The following MED23 variants were observed in gnomAD, a reference collection of about 807,000 sequenced individuals.
MED23 encodes mediator of RNA polymerase II transcription subunit 23.
MED23 carries 105 observed loss-of-function variants against 163.9 expected under a neutral mutation model. That is an observed-to-expected ratio of 0.64 (90% CI 0.55 to 0.75). The LOEUF (loss-of-function observed/expected upper bound fraction) is 0.75, where lower values mean the gene tolerates loss of function less well. MED23 is among the 30% of genes least tolerant of loss of function. The pLI is 0.00. For synonymous variants in MED23, 561 were observed against 565.6 expected (o/e 0.99, Z 0.12); for missense variants, 1,054 against 1,649.0 (o/e 0.64, Z 6.25).
rs1774260245 is a variant in MED23 at position 131,587,581 on chromosome 6, A to G, written c.*98T>C. The stretch of plus-strand genomic sequence containing the variant: ...CAATCTGAATATCATCACTGCTTCT[A>G]CTATATCACTACAGTGTGATCGCAT... On this transcript the variant is annotated 3_prime_UTR_variant, in exon 29 of 29. Coordinates refer to ENST00000368068, the MANE Select transcript of MED23 (RefSeq NM_004830.4). 4 of 1,586,024 alleles carry G rather than the reference A, an allele frequency of 2.5e-6. No individual in the cohort carries two copies. Among genetic ancestry groups the G allele is most frequent in the Non-Finnish European group, 3.4e-6 (4 of 1,165,090 alleles).
chr6:131,610,484 G>A (rs1421873664), intron 10 of MED23, among the ~76,000 whole-genome samples: 1 of 152,134 alleles, frequency 6.6e-6, no homozygotes, highest in Admixed American at 6.5e-5. Flanking sequence ...ATTAACTTTT[G>A]ACTTCCACTA....
intron 28 of MED23, among the ~76,000 whole-genome samples, chr6:131,588,189 C>T (rs1774317354): frequency 6.6e-6 from 1 of 152,326 alleles, no homozygotes; most frequent in South Asian, 2.1e-4. Flanking sequence ...AGAGTTTACA[C>T]TGGAAATTTT....
chr6:131,586,966 A>G lies in MED23; in HGVS notation c.*713T>C. 1 of 1,490,922 alleles carries G rather than the reference A, an allele frequency of 6.7e-7. No individual in the cohort carries two copies. Among genetic ancestry groups the G allele is most frequent in the Non-Finnish European group, 9.0e-7 (1 of 1,116,390 alleles). 92.4% of individuals were successfully genotyped at this position (1,490,922 alleles called of 1,614,324 possible). A position where few individuals can be genotyped will look rare whatever the true frequency, so the allele number is the denominator to read the frequency against. On this transcript the variant is annotated 3_prime_UTR_variant, in exon 29 of 29. Coordinates refer to ENST00000368068, the MANE Select transcript of MED23 (RefSeq NM_004830.4). The stretch of plus-strand genomic sequence containing the variant: ...CAAAAGCAATTAACTTATTTTTAAA[A>G]AAAGAAATTGGAGAATCAACCATTT...
Position 131,594,087 on chromosome 6 carries a change from T to A in MED23, c.3232+12A>T, listed in dbSNP as rs1444209366. ...TATTTCTGGGAGTCTAAAATCACAA[T>A]AAAAAGGATATTATCGACTAGTCTG... On this transcript the variant is annotated intron_variant, in intron 23 of 28. Coordinates refer to ENST00000368068, the MANE Select transcript of MED23 (RefSeq NM_004830.4). 1 of 1,591,820 alleles carries A rather than the reference T, an allele frequency of 6.3e-7. No individual in the cohort carries two copies. The highest frequency in any genetic ancestry group is 8.6e-7 in the Non-Finnish European group (1 of 1,160,564).
At chr6:131,625,036 T>C in intron 3 of MED23, 47 bp from the exon 4 acceptor site, 2 of 1,585,756 alleles carry the variant, frequency 1.3e-6, no homozygotes, top group Non-Finnish European at 1.7e-6. Context: ...AGTTACATTT[T>C]TATAACCAAT....
rs143443166 is a variant in MED23 at position 131,586,830 on chromosome 6, C to A, written c.*849G>T. On this transcript the variant is annotated 3_prime_UTR_variant, in exon 29 of 29. Transcript: ENST00000368068. ...TTCCCCCAAAATTAACAATGTCTCT[C>A]AAAATCCAAGAAATAAAATGTGTAC... is the stretch of plus-strand genomic sequence containing the variant. The A allele has an allele frequency of 7.8e-5, 118 of 1,518,470 alleles. No homozygotes were observed. The African/African-American group carries it at 1.3e-3, about 17-fold the overall frequency. The allele number at this position is 1,518,470 out of a possible 1,614,324, so 94.1% of individuals were successfully genotyped here.
chr6:131,598,750 T>C lies in MED23; in HGVS notation c.2232A>G (p.Lys744=), dbSNP rs1012095810. 2 of 1,614,040 alleles carry C rather than the reference T, an allele frequency of 1.2e-6. No homozygotes were observed. Among genetic ancestry groups the C allele is most frequent in the Non-Finnish European group, 1.7e-6 (2 of 1,179,902 alleles). The change falls in exon 19 of 29, where the codon AAA becomes AAG. Residue 744 remains lysine (K), a synonymous_variant. Coordinates refer to ENST00000368068, the MANE Select transcript of MED23 (RefSeq NM_004830.4). This position sits in a 1 kb window ranked among gnomAD's most constrained non-coding sequence, Gnocchi z 4.7. The part of the protein sequence containing the change: ...CFPGPLQAFF[K]QNNVPQESRF... Reference sequence around the variant, plus strand: ...GGCTTTCCTGAGGCACATTATTTTGTTTGAAGAATGCCTAAAAAGAGGATT... The same window carrying C: ...GGCTTTCCTGAGGCACATTATTTTGCTTGAAGAATGCCTAAAAAGAGGATT...
chr6:131,606,394 T>G, intron 13 of MED23, 85 bp downstream of exon 13: 1 of 1,468,034 alleles, frequency 6.8e-7, no homozygotes, highest in African/African-American at 1.4e-5. Context: ...TTTCCAAATT[T>G]CACACAAACA....
chr6:131,627,872 C>A, intron 1 of MED23, 139 bp downstream of exon 1: 1 of 1,196,174 alleles, frequency 8.4e-7, no homozygotes, highest in Non-Finnish European at 1.2e-6. Context: ...AACTTCCCCG[C>A]ATACAACCTC....
At chr6:131,587,873 T>C (rs746619395) in intron 28 of MED23, 27 bp from the exon 29 acceptor site, 8 of 1,576,626 alleles carry the variant, frequency 5.1e-6, no homozygotes, top group Non-Finnish European at 6.1e-6. Context: ...CATTAAAACG[T>C]ACTTTAATCA....
intron 11 of MED23, among the ~76,000 whole-genome samples, chr6:131,608,869 C>CA (rs1392094329): frequency 3.2e-4 from 49 of 152,238 alleles, no homozygotes; most frequent in Admixed American, 2.4e-3. Flanking sequence ...AAATTTTTGA[C>CA]AAAAAATGTC....
intron 7 of MED23, among the ~76,000 whole-genome samples, chr6:131,620,328 C>T (rs915758664): frequency 3.0e-4 from 45 of 151,904 alleles, no homozygotes; most frequent in African/African-American, 9.2e-4. Context: ...GTCCTTTTGC[C>T]GAAGCTAGAG....
At chr6:131,575,754 T>A (rs1008318133) in intron 30 of MED23, among the ~76,000 whole-genome samples, 4 of 152,236 alleles carry the variant, frequency 2.6e-5, no homozygotes, top group Non-Finnish European at 5.9e-5. Flanking sequence ...CCTTTAGACC[T>A]CTAATTGTTC....
In MED23 at chr6:131,623,333, A is replaced by G. The variant is rs748163041; in HGVS notation, c.396+18T>C. On this transcript the variant is annotated intron_variant, in intron 5 of 28. Coordinates refer to ENST00000368068, the MANE Select transcript of MED23 (RefSeq NM_004830.4). ...TCATATCTGAAAGCAATCACTTTTT[A>G]TAATAAGAAAAATATACCTTGTAAT... 1.3e-6 allele frequency: 2 copies of G among 1,589,846 alleles called. No homozygotes were observed. Among genetic ancestry groups the G allele is most frequent in the Non-Finnish European group, 1.7e-6 (2 of 1,158,100 alleles).
intron 30 of MED23, among the ~76,000 whole-genome samples, chr6:131,577,059 G>A (rs1432001179): frequency 6.6e-6 from 1 of 152,122 alleles, no homozygotes; most frequent in Non-Finnish European, 1.5e-5. Context: ...GCAGCAGGAA[G>A]TATGCTACTA....
At chr6:131,627,918 G>C (rs1037870663) in intron 1 of MED23, 93 bp downstream of exon 1, 1 of 1,498,796 alleles carries the variant, frequency 6.7e-7, no homozygotes, top group Non-Finnish European at 9.3e-7. Context: ...GGAGGCGTGA[G>C]AGGAGGTTGC....
At chr6:131,592,901 G>A in intron 24 of MED23, 105 bp downstream of exon 24, 1 of 1,293,550 alleles carries the variant, frequency 7.7e-7, no homozygotes. Context: ...ATCATCCAAT[G>A]TGCATCAGCC....
At position 131,602,325 on chromosome 6, in the gene MED23, G is replaced by A. The variant is rs372590711; in HGVS notation, c.1988C>T (p.Pro663Leu). The change falls in exon 17 of 29, where the codon CCG (proline) becomes CTG (leucine). Residue 663 changes from proline (P) to leucine (L), a missense_variant. Pro to Leu is a moderately conservative substitution (Grantham distance 98). Coordinates refer to ENST00000368068, the MANE Select transcript of MED23 (RefSeq NM_004830.4). ...ITALGSSEVQ[P>L]QFTRFLSDPK... is the part of the protein sequence containing the mutation. ...ATCACTAAGGAAGCGTGTAAACTGC[G>A]GTTGTACCTCTGAGCTACCTAATGC... The A allele has an allele frequency of 1.2e-6, 2 of 1,613,660 alleles. No homozygotes were observed. The highest frequency in any genetic ancestry group is 1.3e-5 in the African/African-American group (1 of 74,896).
chr6:131,622,664 G>C (rs1777194195), intron 5 of MED23, among the ~76,000 whole-genome samples: 1 of 152,190 alleles, frequency 6.6e-6, no homozygotes, highest in Non-Finnish European at 1.5e-5. Flanking sequence ...TGAGTAAAGA[G>C]AAAATAATTA....
Sources: gnomAD v4.1 joint callset for allele counts (sites outside exome capture counted in the v4.1 genomes callset) on GRCh38, gnomAD v4.1.1 for gene constraint, Gnocchi (gnomAD v3.1) non-coding constraint, MANE v1.5 for transcripts, NCBI Gene and HGNC (gene_info 2026-07-23, HGNC 2026-07-21) for gene names.